KTN1: variants seen among roughly 807,000 people sequenced by gnomAD.
KTN1 encodes the protein kinectin.
In KTN1, 130 loss-of-function variants were observed where a neutral mutation model predicts 222.5. The observed-to-expected ratio is 0.58, with a 90% CI of 0.51 to 0.68. The LOEUF is 0.68. Ranked by LOEUF, KTN1 falls within the 30% of genes least tolerant of loss-of-function variation. The pLI, the probability that KTN1 is intolerant of heterozygous loss-of-function variation, is 0.00. For synonymous variants in KTN1, 512 were observed against 496.3 expected (o/e 1.03, Z -0.42); for missense variants, 1,508 against 1,500.4 (o/e 1.01, Z -0.08).
At chr14:55,590,287 A>C (rs547801130) in intron 1 of KTN1, among the ~76,000 whole-genome samples, 3 of 152,324 alleles carry the variant, frequency 2.0e-5, no homozygotes, top group South Asian at 4.1e-4. Context: ...GACATATAAG[A>C]ATGTATAATG....
intron 32 of KTN1, chr14:55,663,387 A>T (rs189630236): frequency 3.0e-3 from 505 of 170,098 alleles, no homozygotes; most frequent in Non-Finnish European, 3.7e-3. Flanking sequence ...CAACTAGCTC[A>T]TACAATTCAT....
intron 4 of KTN1, among the ~76,000 whole-genome samples, chr14:55,618,445 G>T (rs1037426230): frequency 6.6e-6 from 1 of 151,888 alleles, no homozygotes; most frequent in Admixed American, 6.6e-5. Flanking sequence ...GTTTTTTTTA[G>T]AGTAGTTTTA....
intron 28 of KTN1, among the ~76,000 whole-genome samples, chr14:55,654,454 G>A (rs1566808783): frequency 6.6e-6 from 1 of 152,008 alleles, no homozygotes; most frequent in Admixed American, 6.5e-5. Context: ...TGCTTGGAAA[G>A]CTTAGGGCCT....
chr14:55,652,954 A>T lies in KTN1; in HGVS notation c.2694+14A>T. 6.3e-7 allele frequency: 1 copy of T among 1,598,498 alleles called. No homozygotes were observed. Among genetic ancestry groups the T allele is most frequent in the Non-Finnish European group, 8.6e-7 (1 of 1,168,766 alleles). On this transcript the variant is annotated intron_variant, in intron 26 of 43. Coordinates refer to ENST00000395314, the MANE Select transcript of KTN1 (RefSeq NM_001079521.2). ...AAGTGGTTACAGGTGAGAAATTAAAAACAATAAAAAATAGCCTTTTTATAC... is the reference window on the plus strand; with the variant it reads ...AAGTGGTTACAGGTGAGAAATTAAATACAATAAAAAATAGCCTTTTTATAC...
chr14:55,679,893 T>C, intron 43 of KTN1: 2 of 548,930 alleles, frequency 3.6e-6, no homozygotes, highest in Non-Finnish European at 6.3e-6. Flanking sequence ...GGGTTATCTG[T>C]GCCTCCTTTG....
intron 1 of KTN1, among the ~76,000 whole-genome samples, chr14:55,610,903 GCCCCGGGCGTACTTA>G (rs2037454604): frequency 6.6e-6 from 1 of 152,150 alleles, no homozygotes; most frequent in Admixed American, 6.5e-5. Context: ...CCCCCTTCCC[GCCCCGGGCGTACTTA>G]CTGAGTCCAT....
chr14:55,581,442 GGTGT>G (rs369432241), intron 1 of KTN1, among the ~76,000 whole-genome samples: 13 of 150,662 alleles, frequency 8.6e-5, no homozygotes, highest in African/African-American at 1.7e-4. Flanking sequence ...TAACTGTTAA[GGTGT>G]GTGTGTGTGT....
At chr14:55,609,459 A>T (rs1221020871) in intron 1 of KTN1, among the ~76,000 whole-genome samples, 1 of 152,206 alleles carries the variant, frequency 6.6e-6, no homozygotes, top group Non-Finnish European at 1.5e-5. Context: ...GTGTGAAGAG[A>T]GACTCCCGTG....
chr14:55,630,645 AAGAAGGGATATTG>A (rs1203586213), intron 7 of KTN1, among the ~76,000 whole-genome samples: 2 of 152,182 alleles, frequency 1.3e-5, no homozygotes, highest in African/African-American at 4.8e-5. Flanking sequence ...GGCTGGAATG[AAGAAGGGATATTG>A]AGAAGTAGAT....
At chr14:55,624,133 GT>G (rs769864961) in intron 5 of KTN1, among the ~76,000 whole-genome samples, 63 of 152,330 alleles carry the variant, frequency 4.1e-4, no homozygotes, top group Non-Finnish European at 7.6e-4. Context: ...GGGCGGTTCT[GT>G]TCTCTACTGA....
At chr14:55,582,229 T>C (rs1354405510) in intron 1 of KTN1, among the ~76,000 whole-genome samples, 1 of 152,222 alleles carries the variant, frequency 6.6e-6, no homozygotes, top group Non-Finnish European at 1.5e-5. Context: ...GTTTCCAATT[T>C]AGATCTTTCT....
intron 17 of KTN1, 73 bp downstream of exon 17, chr14:55,641,281 A>C: frequency 1.2e-6 from 1 of 848,196 alleles, no homozygotes. Flanking sequence ...TGATTCCAGA[A>C]ATACTACGTT....
chr14:55,661,702 C>T, intron 32 of KTN1, 90 bp downstream of exon 32: 1 of 608,920 alleles, frequency 1.6e-6, no homozygotes, highest in South Asian at 3.0e-5. Flanking sequence ...TCTACTTTTA[C>T]TTTAGATTTC....
At chr14:55,619,367 CAAA>C in intron 5 of KTN1, 55 bp downstream of exon 5, 1 of 1,563,336 alleles carries the variant, frequency 6.4e-7, no homozygotes. Context: ...AGAAGTTCAC[CAAA>C]CAAGACTTTA....
At chr14:55,640,313 C>A in intron 14 of KTN1, 61 bp from the exon 15 acceptor site, 2 of 1,146,932 alleles carry the variant, frequency 1.7e-6, no homozygotes, top group Non-Finnish European at 2.5e-6. Flanking sequence ...AGAAAAGATG[C>A]TTTACAAACT....
rs771588231 is a variant in KTN1 at position 55,636,484 on chromosome 14, A to G, written c.1497A>G (p.Glu499=). ...QLQEAERRWE[E]VQSYIRKRTA... ...AAGAAGCTGAGAGAAGGTGGGAAGA[A>G]GTTCAGAGCTACATCAGGAAGAGAA... is the stretch of plus-strand genomic sequence containing the variant. Residue 499 remains glutamate, a synonymous_variant, in exon 10 of 44, where the codon GAA becomes GAG. Coordinates refer to ENST00000395314, the MANE Select transcript of KTN1 (RefSeq NM_001079521.2). The G allele has an allele frequency of 6.8e-6, 11 of 1,611,540 alleles. No individual in the cohort carries two copies. In the Admixed American group the frequency reaches 1.8e-4, roughly 27 times the overall value.
chr14:55,625,276 A>G (rs577921933), intron 5 of KTN1, among the ~76,000 whole-genome samples: 2 of 152,336 alleles, frequency 1.3e-5, no homozygotes, highest in South Asian at 4.1e-4. Context: ...ATAACTGCTG[A>G]AAAGTGTAAA....
chr14:55,613,639 G>GTGTGCTACCACACCCAGATAATTTT (rs541259428), intron 2 of KTN1, among the ~76,000 whole-genome samples: 2 of 151,624 alleles, frequency 1.3e-5, no homozygotes, highest in South Asian at 4.2e-4. Context: ...AATTATAGGC[G>GTGTGCTACCACACCCAGATAATTTT]TGTATTTTTA....
intron 25 of KTN1, among the ~76,000 whole-genome samples, chr14:55,652,641 C>T (rs899786584): frequency 3.9e-5 from 6 of 152,136 alleles, no homozygotes; most frequent in East Asian, 1.9e-4. Context: ...CCTTGTGATC[C>T]GCCCGCCTTG....
Sources: gnomAD v4.1 joint callset for allele counts (sites outside exome capture counted in the v4.1 genomes callset) on GRCh38, gnomAD v4.1.1 for gene constraint, MANE v1.5 for transcripts, NCBI Gene and HGNC (gene_info 2026-07-23, HGNC 2026-07-21) for gene names.